The following DAB1 variants were observed in gnomAD, a reference collection of about 807,000 sequenced individuals.
DAB1 encodes disabled homolog 1.
DAB1 carries 15 observed loss-of-function variants against 64.6 expected under a neutral mutation model. The observed-to-expected ratio is 0.23, with a 90% confidence interval of 0.16 to 0.36. The LOEUF is 0.36. Ranked by LOEUF, DAB1 falls within the 10% of genes least tolerant of loss-of-function variation. DAB1 has a pLI of 1.00. For synonymous variants in DAB1, 235 were observed against 251.9 expected, an observed-to-expected ratio of 0.93 and a Z score of 0.64; for missense variants, 596 against 706.7, an observed-to-expected ratio of 0.84 and a Z score of 1.78.
chr1:58,458,574 C>A (rs772912399), intron 3 of DAB1, among the ~76,000 whole-genome samples: 4 of 152,146 alleles, frequency 2.6e-5, no homozygotes, highest in Admixed American at 1.3e-4. Context: ...GAGGCCAAGG[C>A]GGGTGGATCA....
At chr1:58,507,629 A>G (rs2100419817) in intron 2 of DAB1, among the ~76,000 whole-genome samples, 1 of 152,164 alleles carries the variant, frequency 6.6e-6, no homozygotes, top group Non-Finnish European at 1.5e-5. Context: ...GTATATAACA[A>G]ACATAAATAT....
chr1:58,489,304 C>T (rs913134064), intron 3 of DAB1, among the ~76,000 whole-genome samples: 2 of 152,238 alleles, frequency 1.3e-5, no homozygotes, highest in Admixed American at 6.5e-5. Context: ...TATCCCACGC[C>T]TGGCTCAAAG....
At chr1:57,417,820 A>G (rs1684600941) in intron 1 of DAB1, among the ~76,000 whole-genome samples, 1 of 152,138 alleles carries the variant, frequency 6.6e-6, no homozygotes. Flanking sequence ...GTACCCAATT[A>G]TGCCCATCCC....
chr1:57,887,007 C>T (rs1386557968), upstream of DAB1, among the ~76,000 whole-genome samples: 1 of 152,118 alleles, frequency 6.6e-6, no homozygotes, highest in Non-Finnish European at 1.5e-5. Flanking sequence ...TTCATCACTA[C>T]TTCATTTTCT....
chr1:58,008,962 G>T (rs1478786527), intron 5 of DAB1, among the ~76,000 whole-genome samples: 1 of 152,074 alleles, frequency 6.6e-6, no homozygotes, highest in African/African-American at 2.4e-5. Flanking sequence ...TATTGGTCTG[G>T]TCACGTTAAG....
intron 7 of DAB1, among the ~76,000 whole-genome samples, chr1:57,607,657 A>C (rs1222969124): frequency 6.6e-6 from 1 of 152,164 alleles, no homozygotes; most frequent in Non-Finnish European, 1.5e-5. Context: ...ATTTTATTTT[A>C]CCACTCAAAT....
intron 6 of DAB1, among the ~76,000 whole-genome samples, chr1:57,740,782 G>C (rs1422699120): frequency 2.0e-5 from 3 of 152,186 alleles, no homozygotes; most frequent in African/African-American, 7.2e-5. Flanking sequence ...CTGTGTGTTA[G>C]TGAAATAAAA....
chr1:57,948,005 T>C (rs1645208976), intron 5 of DAB1, among the ~76,000 whole-genome samples: 1 of 152,202 alleles, frequency 6.6e-6, no homozygotes, highest in African/African-American at 2.4e-5. Context: ...AGTATGGTAC[T>C]TCTTACCTCC....
At chr1:57,126,920 C>G (rs1657176725) in intron 4 of DAB1, among the ~76,000 whole-genome samples, 1 of 152,174 alleles carries the variant, frequency 6.6e-6, no homozygotes, top group Admixed American at 6.5e-5. Context: ...CTCACTTTGA[C>G]CCAGTCCCTT....
intron 4 of DAB1, among the ~76,000 whole-genome samples, chr1:58,313,346 A>G (rs1363720376): frequency 6.6e-6 from 1 of 152,140 alleles, no homozygotes; most frequent in East Asian, 1.9e-4. Flanking sequence ...TGAAGGGGCA[A>G]GAGGGAGGAG....
intron 3 of DAB1, among the ~76,000 whole-genome samples, chr1:58,461,452 C>T: frequency 6.6e-6 from 1 of 152,142 alleles, no homozygotes; most frequent in Non-Finnish European, 1.5e-5. Flanking sequence ...AGGGAAAAAG[C>T]AAAGATGGAG....
At chr1:58,077,195 T>A (rs79607875) in intron 5 of DAB1, among the ~76,000 whole-genome samples, 9,335 of 152,116 alleles carry the variant, frequency 0.061, 342 homozygotes, top group Middle Eastern at 0.099. Flanking sequence ...CACTGACCAG[T>A]CACAAGTACA....
chr1:57,237,126 G>A (rs760989800), intron 2 of DAB1, among the ~76,000 whole-genome samples: 4 of 152,252 alleles, frequency 2.6e-5, no homozygotes, highest in Admixed American at 6.5e-5. Context: ...CTTTGAAGAC[G>A]AGAGAGATTG....
chr1:58,504,434 T>C (rs923190536), intron 3 of DAB1, among the ~76,000 whole-genome samples: 1 of 152,214 alleles, frequency 6.6e-6, no homozygotes, highest in Non-Finnish European at 1.5e-5. Flanking sequence ...TTCTGATTAG[T>C]GAGGCCTTCC....
chr1:57,398,731 A>G (rs1465938736), intron 1 of DAB1, among the ~76,000 whole-genome samples: 2 of 152,218 alleles, frequency 1.3e-5, no homozygotes, highest in Non-Finnish European at 2.9e-5. Context: ...TAACTCCCCA[A>G]ACGTCTTAAC....
intron 5 of DAB1, among the ~76,000 whole-genome samples, chr1:57,992,412 A>G (rs1434555878): frequency 6.6e-6 from 1 of 152,226 alleles, no homozygotes; most frequent in African/African-American, 2.4e-5. Context: ...TCAATGAAGG[A>G]ACACAAAGTT....
intron 7 of DAB1, among the ~76,000 whole-genome samples, chr1:57,520,235 C>G (rs1263996623): frequency 1.3e-5 from 2 of 152,090 alleles, no homozygotes; most frequent in Non-Finnish European, 2.9e-5. Flanking sequence ...TTTTTTATTT[C>G]CTTTCTTTGT....
At chr1:57,279,519 T>C (rs1345028797) in intron 2 of DAB1, among the ~76,000 whole-genome samples, 1 of 152,192 alleles carries the variant, frequency 6.6e-6, no homozygotes, top group Non-Finnish European at 1.5e-5. Context: ...GATAGCTGTA[T>C]ACTCATTTCA....
chr1:57,320,164 G>A (rs1675582835), intron 1 of DAB1, among the ~76,000 whole-genome samples: 1 of 152,162 alleles, frequency 6.6e-6, no homozygotes, highest in Non-Finnish European at 1.5e-5. Flanking sequence ...TAGTGGGAGA[G>A]GACTGTATTA....
Sources: gnomAD v4.1 joint callset for allele counts (sites outside exome capture counted in the v4.1 genomes callset) on GRCh38, gnomAD v4.1.1 for gene constraint, MANE v1.5 for transcripts, NCBI Gene and HGNC (gene_info 2026-07-23, HGNC 2026-07-21) for gene names.